HTT: variants seen among roughly 807,000 people sequenced by gnomAD.
The protein encoded by HTT is huntingtin, also known as huntington disease protein.
A neutral mutation model predicts 362.3 loss-of-function variants in HTT; 104 were observed. That is an observed-to-expected ratio of 0.29 (90% CI 0.24 to 0.34). The LOEUF is 0.34. HTT is among the 10% of genes least tolerant of loss of function. The probability of loss-of-function intolerance (pLI) is 1.00; values close to 1 mark genes in which losing one functional copy is unlikely to be tolerated. For missense variants in HTT, 3,301 were observed against 3,928.6 expected, an observed-to-expected ratio of 0.84 and a Z score of 4.27; for synonymous variants, 1,577 against 1,548.7, an observed-to-expected ratio of 1.02 and a Z score of -0.43.
chr4:3,148,716 T>C (rs1437211941), intron 26 of HTT, among the ~76,000 whole-genome samples: 1 of 152,160 alleles, frequency 6.6e-6, no homozygotes, highest in East Asian at 1.9e-4. Flanking sequence ...GAGAATGGCG[T>C]GAATCCGGGA....
Position 3,176,897 on chromosome 4 carries a change from A to G in HTT, c.4408-435A>G, listed in dbSNP as rs187806522. ...GGGAAAGCTGACAGCTGCAGGGAAT[A>G]CAGTGTGACACAAAACTGGCTCCCA... is the stretch of plus-strand genomic sequence containing the variant. On this transcript the variant is annotated intron_variant, in intron 33 of 66. Coordinates refer to ENST00000355072, the MANE Select transcript of HTT (RefSeq NM_001388492.1). Among the ~76,000 whole-genome samples the G allele has an allele frequency of 3.9e-3, 601 of 152,362 alleles. 2 individuals are homozygous for G. The highest frequency in any genetic ancestry group is 8.4e-3 in the Admixed American group (128 of 15,308).
chr4:3,210,709 G>A (rs900355507), intron 47 of HTT, among the ~76,000 whole-genome samples: 1 of 152,090 alleles, frequency 6.6e-6, no homozygotes, highest in Non-Finnish European at 1.5e-5. Flanking sequence ...TTAGCCCTGC[G>A]TTGATATGCA....
chr4:3,171,520 A>G (rs1717973413), intron 29 of HTT, among the ~76,000 whole-genome samples: 1 of 151,020 alleles, frequency 6.6e-6, no homozygotes, highest in Non-Finnish European at 1.5e-5. Flanking sequence ...TGCCCAGGTA[A>G]CAACTCCAGT....
At position 3,160,384 on chromosome 4, in the gene HTT, A is replaced by G. The variant is rs1353623875; in HGVS notation, c.3856A>G (p.Ile1286Val). The G allele has an allele frequency of 6.5e-7, 1 of 1,547,690 alleles. No homozygotes were observed. Residue 1286 changes from isoleucine to valine, a missense_variant, in exon 29 of 67, where the codon ATT becomes GTT. Coordinates refer to ENST00000355072, the MANE Select transcript of HTT (RefSeq NM_001388492.1). ...QILELATLQD[I>V]GKCVEEILGY... ...ACTAGAGCTGGCCACACTGCAGGAC[A>G]TTGGGAAGGTTTGTGTCTTGTTTTT... is the stretch of plus-strand genomic sequence containing the variant.
intron 8 of HTT, among the ~76,000 whole-genome samples, chr4:3,118,421 TCA>T (rs1175043250): frequency 6.6e-6 from 1 of 152,132 alleles, no homozygotes; most frequent in Non-Finnish European, 1.5e-5. Context: ...AGAAGTTCAG[TCA>T]TGAGCCGTCA....
intron 40 of HTT, among the ~76,000 whole-genome samples, chr4:3,189,999 G>A (rs934417297): frequency 2.6e-5 from 4 of 151,974 alleles, no homozygotes; most frequent in Admixed American, 2.0e-4. Flanking sequence ...CTCGGCTATA[G>A]AGTAAGACCC....
In HTT at chr4:3,218,252, A is replaced by G. The variant is rs977561097; in HGVS notation, c.7242+300A>G. ...TTTGCTTAATAGCAGACCAGAAACC[A>G]CACCCCCTCGAGTGAGTGAGATTTT... On this transcript the variant is annotated intron_variant, in intron 52 of 66. Coordinates refer to ENST00000355072, the MANE Select transcript of HTT (RefSeq NM_001388492.1). The surrounding 1 kb of genome is among the most constrained non-coding windows in gnomAD (Gnocchi z 4.4). 6.6e-6 allele frequency among the ~76,000 whole-genome samples: 1 copy of G among 152,206 alleles called. No individual in the cohort carries two copies. Among genetic ancestry groups the G allele is most frequent in the African/African-American group, 2.4e-5 (1 of 41,450 alleles).
intron 8 of HTT, among the ~76,000 whole-genome samples, chr4:3,118,652 AT>A (rs1211965791): frequency 4.6e-5 from 7 of 152,224 alleles, no homozygotes; most frequent in Admixed American, 1.3e-4. Flanking sequence ...GGTTTCTAAC[AT>A]TTGTGAACAG....
Position 3,131,413 on chromosome 4 carries a change from G to C in HTT, c.2098+16G>C. The C allele has an allele frequency of 3.2e-6, 5 of 1,582,896 alleles. No homozygotes were observed. The highest frequency in any genetic ancestry group is 2.2e-5 in the East Asian group (1 of 44,718). On this transcript the variant is annotated intron_variant, in intron 15 of 66. Coordinates refer to ENST00000355072, the MANE Select transcript of HTT (RefSeq NM_001388492.1). ...GGAAAAAATGGTGAGTACAAAAGGG[G>C]ATGTGCACAGTTGAAGGAAATAACT...
chr4:3,157,094 A>G lies in HTT; in HGVS notation c.3648A>G (p.Ser1216=), dbSNP rs1717188065. The change falls in exon 28 of 67, where the codon TCA becomes TCG. Residue 1216 remains serine (S), a synonymous_variant. Coordinates refer to ENST00000355072, the MANE Select transcript of HTT (RefSeq NM_001388492.1). ...AAGCTTCTAGACAATCTGATACCTC[A>G]GGTCCTGTTACAACAAGTAAATCCT... The part of the protein sequence containing the change: ...ASAASRQSDT[S]GPVTTSKSSS... 1 of 1,611,550 alleles carries G rather than the reference A, an allele frequency of 6.2e-7. No individual in the cohort carries two copies. The highest frequency in any genetic ancestry group is 1.3e-5 in the African/African-American group (1 of 74,754).
chr4:3,198,148 G>A (rs1382326672), intron 40 of HTT, among the ~76,000 whole-genome samples: 1 of 151,634 alleles, frequency 6.6e-6, no homozygotes, highest in Non-Finnish European at 1.5e-5. Flanking sequence ...AAGGCATTGT[G>A]GAGCCCTAAA....
chr4:3,220,500 C>A (rs552011979), intron 53 of HTT, among the ~76,000 whole-genome samples, 192 bp downstream of exon 53: 96 of 152,188 alleles, frequency 6.3e-4, no homozygotes, highest in Non-Finnish European at 1.5e-4. Context: ...GATCCCAGTT[C>A]CTGTGTTTTG....
Position 3,236,183 on chromosome 4 carries a change from C to A in HTT, c.8820C>A (p.Asp2940Glu), listed in dbSNP as rs764098014. Residue 2940 changes from aspartate to glutamate, a missense_variant, in exon 64 of 67, where the codon GAC becomes GAA. Around this residue, in one of 4 missense-constraint regions of HTT, gnomAD observed 753 missense variants for 1,021.3 expected, o/e 0.74. Coordinates refer to ENST00000355072, the MANE Select transcript of HTT (RefSeq NM_001388492.1). ...AAGTCAGTCCGGGTAGAACTTCAGA[C>A]CCTAATCCTGCAGCCCCCGACAGCG... ...KEKVSPGRTS[D>E]PNPAAPDSES... 2.5e-6 allele frequency: 4 copies of A among 1,614,146 alleles called. No individual in the cohort carries two copies. The East Asian group carries it at 8.9e-5, about 36-fold the overall frequency.
At chr4:3,128,700 A>G (rs548955817) in intron 12 of HTT, 6 of 152,360 alleles carry the variant, frequency 3.9e-5, no homozygotes, top group Non-Finnish European at 7.3e-5. Flanking sequence ...GGATAGTCTA[A>G]TAATGTTTGC....
chr4:3,165,284 G>T (rs1329741001), intron 29 of HTT, among the ~76,000 whole-genome samples: 1 of 152,210 alleles, frequency 6.6e-6, no homozygotes, highest in Non-Finnish European at 1.5e-5. Flanking sequence ...TCTGCAGAGA[G>T]ATCTGCTGTT....
In HTT at chr4:3,083,932, A is replaced by G. The variant is rs538003665; in HGVS notation, c.264-3007A>G. On this transcript the variant is annotated intron_variant, in intron 1 of 66. Transcript: ENST00000355072. ...ATGGTTAAACTACTCAGTAATAAAA[A>G]GGAATGAGCTACTGATAGCATGCAA... 2.0e-5 allele frequency among the ~76,000 whole-genome samples: 3 copies of G among 152,352 alleles called. No individual in the cohort carries two copies. The East Asian group carries it at 5.8e-4, about 29-fold the overall frequency.
intron 10 of HTT, chr4:3,123,368 A>T (rs985877003): frequency 1.0e-4 from 16 of 157,016 alleles, no homozygotes; most frequent in Admixed American, 3.2e-4. Flanking sequence ...AGAAACAGAC[A>T]GGCTGTAGTT....
chr4:3,235,481 C>T, intron 62 of HTT, 83 bp downstream of exon 62: 1 of 1,516,948 alleles, frequency 6.6e-7, no homozygotes, highest in Non-Finnish European at 9.1e-7. Context: ...ACCAGTGGGC[C>T]AGTTTTGACT....
chr4:3,084,397 A>G (rs529714093), intron 1 of HTT, among the ~76,000 whole-genome samples: 6 of 152,204 alleles, frequency 3.9e-5, no homozygotes, highest in African/African-American at 1.4e-4. Context: ...ACATTAAAAC[A>G]TCAAGATCAG....
Sources: allele counts gnomAD v4.1 joint callset (sites outside exome capture counted in the v4.1 genomes callset), GRCh38; gene constraint gnomAD v4.1.1; regional missense constraint gnomAD v4.1.1; non-coding constraint Gnocchi (gnomAD v3.1); transcripts MANE v1.5; gene names NCBI Gene and HGNC (gene_info 2026-07-23, HGNC 2026-07-21).